Variants in ROBO2 observed in about 807,000 individuals in gnomAD.
ROBO2 encodes the protein roundabout homolog 2.
Under a neutral mutation model 160.8 loss-of-function variants are expected in ROBO2, and 53 were observed. That is an observed-to-expected ratio of 0.33 (90% confidence interval 0.26 to 0.41). ROBO2 has a LOEUF of 0.41. Among genes scored for constraint, ROBO2 ranks in the 10% least tolerant of loss-of-function variants. The pLI is 1.00. For synonymous variants in ROBO2, 664 were observed against 611.7 expected, an observed-to-expected ratio of 1.09 and a Z score of -1.26; for missense variants, 1,577 against 1,722.4, an observed-to-expected ratio of 0.92 and a Z score of 1.49.
chr3:77,276,852 A>T (rs575341526), intron 2 of ROBO2, among the ~76,000 whole-genome samples: 1 of 152,312 alleles, frequency 6.6e-6, no homozygotes, highest in Non-Finnish European at 1.5e-5. Flanking sequence ...CACATATTAC[A>T]TGGTGGCAGG....
At chr3:76,061,480 A>G (rs980245696) in intron 2 of ROBO2, among the ~76,000 whole-genome samples, 7 of 152,174 alleles carry the variant, frequency 4.6e-5, no homozygotes, top group Admixed American at 1.3e-4. Context: ...GATATAAAAT[A>G]TTGCTTGCTT....
At chr3:76,773,112 A>G (rs1038740049) in intron 2 of ROBO2, among the ~76,000 whole-genome samples, 3 of 151,120 alleles carry the variant, frequency 2.0e-5, no homozygotes, top group Admixed American at 2.0e-4. Context: ...CCATGTAAAG[A>G]GAAGTGCAAT....
intron 2 of ROBO2, among the ~76,000 whole-genome samples, chr3:77,352,989 T>A (rs2068559063): frequency 1.3e-5 from 2 of 152,240 alleles, no homozygotes; most frequent in Admixed American, 1.3e-4. Flanking sequence ...GTGCTACCTG[T>A]GTTTGATTGA....
chr3:77,278,113 C>A (rs2060012171), intron 2 of ROBO2, among the ~76,000 whole-genome samples: 1 of 152,044 alleles, frequency 6.6e-6, no homozygotes, highest in Non-Finnish European at 1.5e-5. Context: ...ATAAGCTAGC[C>A]CCCTCCTCTC....
At chr3:77,330,114 A>G (rs1228510014) in intron 2 of ROBO2, among the ~76,000 whole-genome samples, 1 of 152,112 alleles carries the variant, frequency 6.6e-6, no homozygotes, top group Non-Finnish European at 1.5e-5. Flanking sequence ...ATATTAAGGG[A>G]TATGATTTGT....
intron 2 of ROBO2, among the ~76,000 whole-genome samples, chr3:75,989,940 A>G (rs1176051585): frequency 1.3e-5 from 2 of 152,158 alleles, no homozygotes; most frequent in Admixed American, 6.5e-5. Flanking sequence ...ATTTCCTTTT[A>G]ATTGGCATGT....
At chr3:77,239,551 C>A (rs1038472587) in intron 2 of ROBO2, among the ~76,000 whole-genome samples, 3 of 152,206 alleles carry the variant, frequency 2.0e-5, no homozygotes, top group Non-Finnish European at 4.4e-5. Context: ...TACTTTTATT[C>A]CCTTATCTGA....
chr3:77,450,348 A>G (rs1162896936), intron 2 of ROBO2, among the ~76,000 whole-genome samples: 1 of 152,068 alleles, frequency 6.6e-6, no homozygotes, highest in African/African-American at 2.4e-5. Flanking sequence ...TTTAGAGAAA[A>G]AGGGCCCTGG....
At chr3:76,579,800 AAAAAG>A (rs1191460070) in intron 2 of ROBO2, among the ~76,000 whole-genome samples, 48 of 151,592 alleles carry the variant, frequency 3.2e-4, no homozygotes, top group East Asian at 5.8e-4. Context: ...AAAAAAAAAA[AAAAAG>A]AAAGAAAGAA....
chr3:76,700,482 C>G (rs973218066), intron 2 of ROBO2, among the ~76,000 whole-genome samples: 2 of 152,084 alleles, frequency 1.3e-5, no homozygotes, highest in African/African-American at 4.8e-5. Flanking sequence ...AAATTTTTAA[C>G]TCTGTACTCA....
intron 2 of ROBO2, among the ~76,000 whole-genome samples, chr3:77,467,339 G>A (rs975516010): frequency 3.3e-5 from 5 of 152,094 alleles, no homozygotes; most frequent in Non-Finnish European, 7.4e-5. Flanking sequence ...AGGGCTAAAT[G>A]AGGAAGGAAT....
chr3:76,901,943 A>AC (rs1414288745), intron 2 of ROBO2, among the ~76,000 whole-genome samples: 2 of 151,952 alleles, frequency 1.3e-5, no homozygotes, highest in African/African-American at 2.4e-5. Flanking sequence ...CATGTTGAAA[A>AC]CCCAATATAT....
chr3:76,499,254 C>T (rs1428331494), intron 2 of ROBO2, among the ~76,000 whole-genome samples: 2 of 152,038 alleles, frequency 1.3e-5, no homozygotes, highest in Admixed American at 6.6e-5. Context: ...ATGCCCTTTA[C>T]TGAAAAGTAG....
chr3:77,087,786 AT>A (rs1250475296), intron 1 of ROBO2, among the ~76,000 whole-genome samples: 1 of 152,032 alleles, frequency 6.6e-6, no homozygotes, highest in Admixed American at 6.6e-5. Context: ...ATATACATAT[AT>A]GTATGTATTC....
intron 2 of ROBO2, among the ~76,000 whole-genome samples, chr3:77,281,772 A>C (rs187269430): frequency 6.6e-6 from 1 of 152,278 alleles, no homozygotes; most frequent in East Asian, 1.9e-4. Flanking sequence ...TTTCAGGATG[A>C]AACTGTTTCA....
chr3:76,981,263 G>A (rs1229635519), intron 2 of ROBO2, among the ~76,000 whole-genome samples: 1 of 152,128 alleles, frequency 6.6e-6, no homozygotes, highest in East Asian at 1.9e-4. Context: ...AGAATTGACA[G>A]ACTATTTTCC....
chr3:77,518,257 G>A (rs2090227864), intron 5 of ROBO2, among the ~76,000 whole-genome samples: 1 of 151,492 alleles, frequency 6.6e-6, no homozygotes, highest in Non-Finnish European at 1.5e-5. Context: ...TTCAAGTGTT[G>A]ATGGACAGTT....
intron 2 of ROBO2, among the ~76,000 whole-genome samples, chr3:76,049,403 A>ATTTTTTTTTTTTTTTTTTTTT (rs1167852972): frequency 1.9e-5 from 1 of 53,752 alleles, no homozygotes; most frequent in Non-Finnish European, 2.7e-5. Flanking sequence ...ATATATATAT[A>ATTTTTTTTTTTTTTTTTTTTT]TTTTTTTTTT....
At chr3:77,558,663 G>A (rs989375545) in intron 9 of ROBO2, among the ~76,000 whole-genome samples, 7 of 151,992 alleles carry the variant, frequency 4.6e-5, no homozygotes, top group Non-Finnish European at 1.0e-4. Context: ...TAAACCCATG[G>A]AAAGAACAAG....
Sources: gnomAD v4.1 joint callset for allele counts (sites outside exome capture counted in the v4.1 genomes callset) on GRCh38, gnomAD v4.1.1 for gene constraint, MANE v1.5 for transcripts, NCBI Gene and HGNC (gene_info 2026-07-23, HGNC 2026-07-21) for gene names.